ABHD16A: variants seen among roughly 807,000 people sequenced by gnomAD.
The protein encoded by ABHD16A is abhydrolase domain containing 16A, phospholipase, also known as phosphatidylserine lipase ABHD16A.
Under a neutral mutation model 89.8 loss-of-function variants are expected in ABHD16A, and 47 were observed. That is an observed-to-expected ratio of 0.52 (90% confidence interval 0.41 to 0.67). The LOEUF (loss-of-function observed/expected upper bound fraction) is 0.67. Among genes scored for constraint, ABHD16A ranks in the 30% least tolerant of loss-of-function variants. The pLI, the probability that ABHD16A is intolerant of heterozygous loss-of-function variation, is 0.00. For synonymous variants in ABHD16A, 251 were observed against 280.4 expected, an observed-to-expected ratio of 0.90 and a Z score of 1.05; for missense variants, 580 against 734.6, an observed-to-expected ratio of 0.79 and a Z score of 2.43.
At chr6:31,702,261 C>G in intron 1 of ABHD16A, 131 bp from the exon 2 acceptor site, 1 of 866,956 alleles carries the variant, frequency 1.2e-6, no homozygotes, top group Non-Finnish European at 1.8e-6. Flanking sequence ...TCCCTGGCCC[C>G]CACAGAAACT....
chr6:31,689,477 C>T, intron 12 of ABHD16A, 104 bp downstream of exon 12: 1 of 1,397,012 alleles, frequency 7.2e-7, no homozygotes, highest in Non-Finnish European at 9.5e-7. Context: ...CTTCCTCTCT[C>T]TTCTTCCTTG....
intron 1 of ABHD16A, chr6:31,702,517 AAGAAG>A: frequency 8.7e-7 from 1 of 1,147,658 alleles, no homozygotes; most frequent in Non-Finnish European, 1.2e-6. Flanking sequence ...GTAGTTGACT[AAGAAG>A]AGAATGTGGG....
In ABHD16A at chr6:31,688,018, C is replaced by T. The variant is rs571465940; in HGVS notation, c.1370+23G>A. ...ATCTGTGTGTGTACACTGCCCCCAGCGCGCACACACCCTGGCTCTCACCGA... is the reference window on the plus strand; with the variant it reads ...ATCTGTGTGTGTACACTGCCCCCAGTGCGCACACACCCTGGCTCTCACCGA... On this transcript the variant is annotated intron_variant, in intron 16 of 19. Coordinates refer to ENST00000395952, the MANE Select transcript of ABHD16A (RefSeq NM_021160.3). The surrounding 1 kb of genome is among the most constrained non-coding windows in gnomAD (Gnocchi z 4.9). The T allele has an allele frequency of 7.4e-6, 12 of 1,611,230 alleles. No homozygotes were observed. The highest frequency in any genetic ancestry group is 4.5e-5 in the East Asian group (2 of 44,816).
At chr6:31,692,776 G>A in intron 7 of ABHD16A, 1 of 161,282 alleles carries the variant, frequency 6.2e-6, no homozygotes, top group South Asian at 8.8e-5. Flanking sequence ...CTCCTTTTCA[G>A]CCTCACTGAA....
Position 31,688,001 on chromosome 6 carries a change from G to A in ABHD16A, c.1370+40C>T, listed in dbSNP as rs1803469780. 6 of 1,611,698 alleles carry A rather than the reference G, an allele frequency of 3.7e-6. No homozygotes were observed. The highest frequency in any genetic ancestry group is 5.1e-6 in the Non-Finnish European group (6 of 1,179,124). ...CCTGTGCTGGTATCAGTATCTGTGTGTGTACACTGCCCCCAGCGCGCACAC... is the reference window on the plus strand; with the variant it reads ...CCTGTGCTGGTATCAGTATCTGTGTATGTACACTGCCCCCAGCGCGCACAC... On this transcript the variant is annotated intron_variant, in intron 16 of 19. Transcript: ENST00000395952. This position sits in a 1 kb window ranked among gnomAD's most constrained non-coding sequence, Gnocchi z 4.9.
rs544598121 is a variant in ABHD16A at position 31,695,374 on chromosome 6, C to T, written c.429+1574G>A. On this transcript the variant is annotated intron_variant, in intron 5 of 19. Transcript: ENST00000395952. The stretch of plus-strand genomic sequence containing the variant: ...ATAGCATGGTATTCAATGCATACAA[C>T]AAAATTAAACATTTATAGAACTGAG... 4.6e-5 allele frequency among the ~76,000 whole-genome samples: 7 copies of T among 152,312 alleles called. No individual in the cohort carries two copies. In the South Asian group the frequency reaches 1.5e-3, roughly 32 times the overall value.
In ABHD16A at chr6:31,687,904, C is replaced by G; in HGVS notation, c.1371-4G>C. On this transcript the variant is annotated splice_polypyrimidine_tract_variant and splice_region_variant and intron_variant, in intron 16 of 19. Coordinates refer to ENST00000395952, the MANE Select transcript of ABHD16A (RefSeq NM_021160.3). The surrounding 1 kb of genome is among the most constrained non-coding windows in gnomAD (Gnocchi z 6.3). ...CTCTGCCATCACCCGGGGATACCTA[C>G]GGAGGAAGTGCCAGGACAGGTCAGG... The G allele has an allele frequency of 6.2e-7, 1 of 1,612,812 alleles. No individual in the cohort carries two copies. The highest frequency in any genetic ancestry group is 8.5e-7 in the Non-Finnish European group (1 of 1,180,010).
rs1451428330 is a variant in ABHD16A, at chr6:31,698,716, G to A, written c.344-1683C>T. 1.3e-5 allele frequency among the ~76,000 whole-genome samples: 2 copies of A among 152,028 alleles called. No homozygotes were observed. Among genetic ancestry groups the A allele is most frequent in the Non-Finnish European group, 2.9e-5 (2 of 68,022 alleles). On this transcript the variant is annotated intron_variant, in intron 4 of 19. Transcript: ENST00000395952. The surrounding 1 kb of genome is among the most constrained non-coding windows in gnomAD (Gnocchi z 4.1). ...TAAAAAACTAAGACAAAACTGAGCAGTGGGAGCTACTTTTAGACAGGGTGG... is the reference window on the plus strand; with the variant it reads ...TAAAAAACTAAGACAAAACTGAGCAATGGGAGCTACTTTTAGACAGGGTGG...
chr6:31,692,901 C>T (rs758149365), intron 7 of ABHD16A, 126 bp downstream of exon 7: 4 of 1,320,376 alleles, frequency 3.0e-6, no homozygotes, highest in Non-Finnish European at 3.2e-6. Context: ...CATAAATGAT[C>T]TACACAAACC....
Position 31,690,065 on chromosome 6 carries a change from G to A in ABHD16A, c.957+13C>T, listed in dbSNP as rs1244419811. ...AATTCAGGAAAAGGAAGGGATTCCTGAGATGGTCTCACCGTGCTTCCAGCA... is the reference window on the plus strand; with the variant it reads ...AATTCAGGAAAAGGAAGGGATTCCTAAGATGGTCTCACCGTGCTTCCAGCA... On this transcript the variant is annotated intron_variant, in intron 11 of 19. Transcript: ENST00000395952. This position sits in a 1 kb window ranked among gnomAD's most constrained non-coding sequence, Gnocchi z 4.1. The A allele has an allele frequency of 2.5e-6, 4 of 1,584,848 alleles. No individual in the cohort carries two copies. Among genetic ancestry groups the A allele is most frequent in the Non-Finnish European group, 3.4e-6 (4 of 1,166,900 alleles).
chr6:31,691,744 C>CCCCACCCCTGGGGGGGGGGGGGG, intron 8 of ABHD16A, 60 bp downstream of exon 8: 1 of 93,936 alleles, frequency 1.1e-5, no homozygotes. Flanking sequence ...AGGGGTGGGG[C>CCCCACCCCTGGGGGGGGGGGGGG]GGGGTGGGTG....
At chr6:31,696,568 G>A (rs1804414790) in intron 5 of ABHD16A, among the ~76,000 whole-genome samples, 1 of 151,634 alleles carries the variant, frequency 6.6e-6, no homozygotes, top group Non-Finnish European at 1.5e-5. Context: ...GGGAGGTGGA[G>A]AGTGCAGTGA....
Position 31,701,111 on chromosome 6 carries a change from C to T in ABHD16A, c.257-83G>A. ...CCCAGTTCAGCCCCAACCTCCACCC[C>T]ACACTCCCTGTTTGGAACAGCCATA... is the stretch of plus-strand genomic sequence containing the variant. On this transcript the variant is annotated intron_variant, in intron 3 of 19. Transcript: ENST00000395952. 3.6e-6 allele frequency: 5 copies of T among 1,379,878 alleles called. No individual in the cohort carries two copies. The East Asian group carries it at 6.9e-5, about 19-fold the overall frequency. The allele number at this position is 1,379,878 out of a possible 1,614,324, so 85.5% of individuals were successfully genotyped here.
rs775472010 is a variant in ABHD16A, at chr6:31,687,592, CCCCTTCCTAGG to C, written c.1546+39_1546+49del. ...ATAGGCCACACATCTGGGTATTCAT[CCCCTTCCTAGG>C]CCCTTCCCACCCTCTCTCCTGCCCC... On this transcript the variant is annotated intron_variant, in intron 18 of 19. Coordinates refer to ENST00000395952, the MANE Select transcript of ABHD16A (RefSeq NM_021160.3). This position sits in a 1 kb window ranked among gnomAD's most constrained non-coding sequence, Gnocchi z 6.3. 2 of 1,612,988 alleles carry C rather than the reference CCCCTTCCTAGG, an allele frequency of 1.2e-6. No homozygotes were observed. Among genetic ancestry groups the C allele is most frequent in the Non-Finnish European group, 8.5e-7 (1 of 1,179,988 alleles).
In ABHD16A at chr6:31,691,620, C is replaced by A; in HGVS notation, c.802G>T (p.Val268Leu). The A allele has an allele frequency of 6.2e-7, 1 of 1,612,992 alleles. No individual in the cohort carries two copies. The highest frequency in any genetic ancestry group is 8.5e-7 in the Non-Finnish European group (1 of 1,180,018). The change falls in exon 9 of 20, where the codon GTG becomes TTG. Residue 268 changes from valine to leucine, a missense_variant. Physicochemically the swap from Val to Leu is conservative, Grantham distance 32. Transcript: ENST00000395952. ...GGCTCAGCTGTCCCCCGCCGGTCCACAAACATGGTGTCAATCTCATTGCCA... is the reference window on the plus strand; with the variant it reads ...GGCTCAGCTGTCCCCCGCCGGTCCAAAAACATGGTGTCAATCTCATTGCCA... ...CDGNEIDTMF[V>L]DRRGTAEPQG...
In ABHD16A at chr6:31,687,982, C is replaced by T. The variant is rs1220419580; in HGVS notation, c.1370+59G>A. The stretch of plus-strand genomic sequence containing the variant: ...GAACCTTCCTCCCTCCTTCCCTGTG[C>T]TGGTATCAGTATCTGTGTGTGTACA... On this transcript the variant is annotated intron_variant, in intron 16 of 19. Coordinates refer to ENST00000395952, the MANE Select transcript of ABHD16A (RefSeq NM_021160.3). The surrounding 1 kb of genome is among the most constrained non-coding windows in gnomAD (Gnocchi z 6.3). The T allele has an allele frequency of 1.9e-6, 3 of 1,611,838 alleles. No homozygotes were observed. The highest frequency in any genetic ancestry group is 2.5e-6 in the Non-Finnish European group (3 of 1,179,294).
At chr6:31,689,744 A>C (rs1803678906) in intron 11 of ABHD16A, 40 bp from the exon 12 acceptor site, 20 of 1,583,540 alleles carry the variant, frequency 1.3e-5, no homozygotes, top group Non-Finnish European at 1.7e-5. Context: ...TGTCAGCACC[A>C]AAGGCCAGCT....
chr6:31,702,742 A>G, intron 1 of ABHD16A: 1 of 1,532,090 alleles, frequency 6.5e-7, no homozygotes. Context: ...GGTAAAGGGA[A>G]GATAAAAACA....
chr6:31,688,359 C>A lies in ABHD16A; in HGVS notation c.1251-54G>T. 1 of 1,546,952 alleles carries A rather than the reference C, an allele frequency of 6.5e-7. No individual in the cohort carries two copies. The highest frequency in any genetic ancestry group is 8.9e-7 in the Non-Finnish European group (1 of 1,119,756). On this transcript the variant is annotated intron_variant, in intron 14 of 19. Transcript: ENST00000395952. This position sits in a 1 kb window ranked among gnomAD's most constrained non-coding sequence, Gnocchi z 4.9. ...GAGCTCAGAGGGAGACGGGTGACAA[C>A]TGGCCCACCCCTATCCCTGCACTGG...
Sources: gnomAD v4.1 joint callset for allele counts (sites outside exome capture counted in the v4.1 genomes callset) on GRCh38, gnomAD v4.1.1 for gene constraint, Gnocchi (gnomAD v3.1) non-coding constraint, MANE v1.5 for transcripts, NCBI Gene and HGNC (gene_info 2026-07-23, HGNC 2026-07-21) for gene names.